The following XIRP2 variants were observed in gnomAD, a reference collection of about 807,000 sequenced individuals.
XIRP2 encodes xin actin binding repeat containing 2.
A neutral mutation model predicts 277.0 loss-of-function variants in XIRP2; 236 were observed. The observed-to-expected ratio is 0.85, with a 90% CI of 0.77 to 0.95. The LOEUF is 0.95. Among genes scored for constraint, XIRP2 ranks in the 40% least tolerant of loss-of-function variants. XIRP2 has a pLI of 0.00. For synonymous variants in XIRP2, 1,490 were observed against 1,416.5 expected, an observed-to-expected ratio of 1.05 and a Z score of -1.17; for missense variants, 4,640 against 4,157.5, an observed-to-expected ratio of 1.12 and a Z score of -3.19.
chr2:167,123,819 C>T (rs959231813), intron 2 of XIRP2: 1 of 152,042 alleles, frequency 6.6e-6, no homozygotes, highest in Non-Finnish European at 1.5e-5. Context: ...CTTTAAGGGC[C>T]CTGTCTCCAA....
chr2:166,938,152 G>T (rs1287518338), intron 2 of XIRP2, among the ~76,000 whole-genome samples: 1 of 152,038 alleles, frequency 6.6e-6, no homozygotes, highest in African/African-American at 2.4e-5. Flanking sequence ...GAATGTGTTT[G>T]CTCTTGCTTT....
intron 2 of XIRP2, among the ~76,000 whole-genome samples, chr2:167,007,859 G>C (rs1687549357): frequency 1.3e-5 from 2 of 151,378 alleles, no homozygotes; most frequent in Non-Finnish European, 3.0e-5. Flanking sequence ...AATGTGGAAG[G>C]GGAAGTATTA....
Position 167,251,085 on chromosome 2 carries a change from T to C in XIRP2, c.9693T>C (p.Gly3231=). 1 of 1,613,612 alleles carries C rather than the reference T, an allele frequency of 6.2e-7. No homozygotes were observed. Among genetic ancestry groups the C allele is most frequent in the Non-Finnish European group, 8.5e-7 (1 of 1,179,742 alleles). The part of the protein sequence containing the change: ...LRRQIKIETR[G]RDSPPTITIP... ...GTCAAATTAAGATAGAAACTCGTGG[T>C]AGGGACTCTCCACCTACAATCACAA... Residue 3231 remains glycine, a synonymous_variant, in exon 9 of 11, where the codon GGT becomes GGC. Coordinates refer to ENST00000409195, the MANE Select transcript of XIRP2 (RefSeq NM_152381.6).
chr2:167,253,432 T>C (rs1342906411), intron 9 of XIRP2, among the ~76,000 whole-genome samples: 1 of 151,846 alleles, frequency 6.6e-6, no homozygotes, highest in Non-Finnish European at 1.5e-5. Flanking sequence ...CATTTTACTG[T>C]GTTCAGGAGT....
intron 2 of XIRP2, among the ~76,000 whole-genome samples, chr2:167,022,833 T>A (rs189966754): frequency 5.7e-4 from 87 of 152,316 alleles, no homozygotes; most frequent in Admixed American, 2.6e-4. Context: ...ATGTGCCACA[T>A]TTTCTTAATA....
At chr2:166,973,838 TATAG>T (rs890847296) in intron 2 of XIRP2, among the ~76,000 whole-genome samples, 21 of 152,248 alleles carry the variant, frequency 1.4e-4, no homozygotes, top group African/African-American at 3.1e-4. Flanking sequence ...TATTTCTACA[TATAG>T]ATAGATGATT....
intron 2 of XIRP2, among the ~76,000 whole-genome samples, chr2:167,112,330 T>C (rs1690780747): frequency 1.3e-5 from 2 of 151,936 alleles, no homozygotes; most frequent in African/African-American, 4.8e-5. Context: ...CTTTCTTAGT[T>C]GTGTCCCAGA....
At chr2:166,928,228 G>A (rs1013622001) in intron 2 of XIRP2, among the ~76,000 whole-genome samples, 2 of 152,122 alleles carry the variant, frequency 1.3e-5, no homozygotes, top group African/African-American at 4.8e-5. Flanking sequence ...GGGAAGAAGA[G>A]AGAAGACAGA....
At chr2:166,964,375 T>A (rs1455262531) in intron 2 of XIRP2, among the ~76,000 whole-genome samples, 1 of 151,872 alleles carries the variant, frequency 6.6e-6, no homozygotes, top group Non-Finnish European at 1.5e-5. Flanking sequence ...CTGTTTGTCA[T>A]AAGATTAGGG....
At chr2:166,996,805 A>T (rs766841919) in intron 2 of XIRP2, among the ~76,000 whole-genome samples, 2 of 152,060 alleles carry the variant, frequency 1.3e-5, no homozygotes, top group Non-Finnish European at 2.9e-5. Context: ...ACACACACAC[A>T]TAAACTCACC....
chr2:167,152,052 G>A (rs1364747329), intron 3 of XIRP2, among the ~76,000 whole-genome samples: 1 of 152,044 alleles, frequency 6.6e-6, no homozygotes, highest in Non-Finnish European at 1.5e-5. Flanking sequence ...ACATGTGACT[G>A]GCAGTTCTCT....
At chr2:167,135,443 C>G (rs1295083943) in intron 2 of XIRP2, among the ~76,000 whole-genome samples, 2 of 151,950 alleles carry the variant, frequency 1.3e-5, no homozygotes, top group Admixed American at 1.3e-4. Flanking sequence ...GCTGAATGGG[C>G]TTGTAATTTG....
At chr2:167,183,769 A>G (rs767704459) in intron 3 of XIRP2, among the ~76,000 whole-genome samples, 3 of 151,960 alleles carry the variant, frequency 2.0e-5, no homozygotes, top group Non-Finnish European at 2.9e-5. Flanking sequence ...AGTATCAATG[A>G]CAATATTCTG....
chr2:167,228,683 A>G (rs1399262424), intron 5 of XIRP2, among the ~76,000 whole-genome samples: 1 of 152,186 alleles, frequency 6.6e-6, no homozygotes, highest in South Asian at 2.1e-4. Context: ...GCAAATATCC[A>G]TTAGTAAGAC....
intron 5 of XIRP2, among the ~76,000 whole-genome samples, chr2:167,234,086 C>T (rs1168723262): frequency 6.6e-6 from 1 of 151,518 alleles, no homozygotes; most frequent in Non-Finnish European, 1.5e-5. Flanking sequence ...ACTTTTAGAG[C>T]AGGAGGAGAC....
Position 167,020,572 on chromosome 2 carries a change from T to TTG in XIRP2, c.409-115323_409-115322dup, listed in dbSNP as rs151096742. ...TACTCATTACAGCTGTATAAATTGT[T>TTG]TGTGTGTGTGTGTGTTCTACCCAGA... On this transcript the variant is annotated intron_variant, in intron 2 of 10. Transcript: ENST00000409195. 2.8e-4 allele frequency among the ~76,000 whole-genome samples: 43 copies of TTG among 151,430 alleles called. No individual in the cohort carries two copies. The South Asian group carries it at 5.0e-3, about 18-fold the overall frequency.
chr2:166,895,656 T>C (rs998266582), intron 1 of XIRP2, among the ~76,000 whole-genome samples: 3 of 152,200 alleles, frequency 2.0e-5, no homozygotes, highest in Non-Finnish European at 2.9e-5. Context: ...CTTTTTAAAA[T>C]TAAATGAGTT....
chr2:167,010,304 C>T (rs533207921), intron 2 of XIRP2, among the ~76,000 whole-genome samples: 1 of 151,410 alleles, frequency 6.6e-6, no homozygotes, highest in Non-Finnish European at 1.5e-5. Context: ...CCAGTTTTCC[C>T]AGCACCATTT....
intron 2 of XIRP2, among the ~76,000 whole-genome samples, chr2:166,978,764 T>C (rs925832908): frequency 4.6e-5 from 7 of 152,112 alleles, no homozygotes; most frequent in African/African-American, 1.2e-4. Context: ...AAGGATCACT[T>C]GAGCCCAGAA....
Sources: gnomAD v4.1 joint callset for allele counts (sites outside exome capture counted in the v4.1 genomes callset) on GRCh38, gnomAD v4.1.1 for gene constraint, MANE v1.5 for transcripts, NCBI Gene and HGNC (gene_info 2026-07-23, HGNC 2026-07-21) for gene names.